NTNG2: variants seen among roughly 807,000 people sequenced by gnomAD.
NTNG2 encodes netrin-G2.
In NTNG2, 15 loss-of-function variants were observed where a neutral mutation model predicts 47.6. The ratio of observed to expected loss-of-function variants is 0.32; its 90% CI spans 0.21 to 0.49. The LOEUF is 0.49. Among genes scored for constraint, NTNG2 ranks in the 20% least tolerant of loss-of-function variants. NTNG2 has a pLI of 0.99. For missense variants in NTNG2, 578 were observed against 764.6 expected, an observed-to-expected ratio of 0.76 and a Z score of 2.88; for synonymous variants, 307 against 324.6, an observed-to-expected ratio of 0.95 and a Z score of 0.58.
intron 2 of NTNG2, among the ~76,000 whole-genome samples, chr9:132,177,536 C>A (rs1237056175): frequency 6.6e-6 from 1 of 152,250 alleles, no homozygotes; most frequent in Non-Finnish European, 1.5e-5. Context: ...GTTTCCCCAA[C>A]ACTATTTGTT....
chr9:132,231,551 C>A lies in NTNG2; in HGVS notation c.1054+956C>A. ...AAAGAAGCTGGACCCTGCAGGGACG[C>A]TGGTCTGCACAGCCGTCGTAAGTTG... On this transcript the variant is annotated intron_variant, in intron 5 of 7. Transcript: ENST00000393229. The surrounding 1 kb of genome is among the most constrained non-coding windows in gnomAD (Gnocchi z 4.1). 1 of 337,530 alleles carries A rather than the reference C, an allele frequency of 3.0e-6. No homozygotes were observed. Among genetic ancestry groups the A allele is most frequent in the Non-Finnish European group, 5.9e-6 (1 of 170,462 alleles). 20.9% of individuals were successfully genotyped at this position (337,530 alleles called of 1,614,324 possible).
rs531526376 is a variant in NTNG2, at chr9:132,233,425, T to G, written c.1054+2830T>G. On this transcript the variant is annotated intron_variant, in intron 5 of 7. Transcript: ENST00000393229. ...GGAGGCTGGGCAGATTGTGCAAAGT[T>G]GGGAATTAAAGAGGAAAAGTCAGAG... 3 of 152,328 alleles carry G rather than the reference T, an allele frequency of 2.0e-5. No individual in the cohort carries two copies. The East Asian group carries it at 5.8e-4, about 29-fold the overall frequency. The allele number at this position is 152,328 out of a possible 1,614,324, so 9.4% of individuals were successfully genotyped here. A position where few individuals can be genotyped will look rare whatever the true frequency, so the allele number is the denominator to read the frequency against.
chr9:132,168,699 G>A (rs1835676355), intron 2 of NTNG2, among the ~76,000 whole-genome samples: 1 of 152,164 alleles, frequency 6.6e-6, no homozygotes, highest in South Asian at 2.1e-4. Flanking sequence ...GATAGGGGCT[G>A]GTACTCAGTC....
intron 6 of NTNG2, 152 bp downstream of exon 6, chr9:132,239,423 T>A: frequency 1.4e-6 from 1 of 732,734 alleles, no homozygotes; most frequent in Non-Finnish European, 2.3e-6. Context: ...TGAGCATCTC[T>A]AAGGACAGAA....
intron 3 of NTNG2, among the ~76,000 whole-genome samples, chr9:132,200,797 G>A (rs1484232358): frequency 6.6e-6 from 1 of 152,204 alleles, no homozygotes; most frequent in African/African-American, 2.4e-5. Context: ...CTCCAATTGG[G>A]ACAGGATATT....
chr9:132,223,577 G>A (rs1464221963), intron 3 of NTNG2, among the ~76,000 whole-genome samples: 1 of 152,130 alleles, frequency 6.6e-6, no homozygotes. Context: ...ATCTCTGAAT[G>A]GACGAGAGCC....
chr9:132,227,468 G>T (rs1462357595), intron 4 of NTNG2, among the ~76,000 whole-genome samples: 1 of 152,176 alleles, frequency 6.6e-6, no homozygotes, highest in Admixed American at 6.5e-5. Context: ...GGAGTGATGG[G>T]GTGGGACCCC....
At chr9:132,184,632 C>T (rs552130602) in intron 2 of NTNG2, among the ~76,000 whole-genome samples, 4 of 152,316 alleles carry the variant, frequency 2.6e-5, no homozygotes, top group Admixed American at 6.5e-5. Flanking sequence ...CAGTAGAAAA[C>T]GAGGCCAGAA....
intron 4 of NTNG2, 96 bp from the exon 5 acceptor site, chr9:132,230,476 C>T (rs1320355018): frequency 8.7e-7 from 1 of 1,153,892 alleles, no homozygotes; most frequent in East Asian, 2.6e-5. Flanking sequence ...GCGACACCTC[C>T]AGGTGCTCCC....
chr9:132,192,683 A>G (rs1235606080), intron 2 of NTNG2, among the ~76,000 whole-genome samples: 2 of 152,208 alleles, frequency 1.3e-5, no homozygotes, highest in Non-Finnish European at 2.9e-5. Context: ...GTCAGCGCCA[A>G]CAGTGCCTTT....
In NTNG2 at chr9:132,231,308, TC is replaced by T. The variant is rs1448088479; in HGVS notation, c.1054+718del. ...CTCTCCTTTCAGCCTTGCAAACCCC[TC>T]CCCCTGGGAGGTCGCCATCTGCTCT... is the stretch of plus-strand genomic sequence containing the variant. On this transcript the variant is annotated intron_variant, in intron 5 of 7. Coordinates refer to ENST00000393229, the MANE Select transcript of NTNG2 (RefSeq NM_032536.4). The surrounding 1 kb of genome is among the most constrained non-coding windows in gnomAD (Gnocchi z 4.1). 1 of 455,954 alleles carries T rather than the reference TC, an allele frequency of 2.2e-6. No individual in the cohort carries two copies. The highest frequency in any genetic ancestry group is 1.5e-5 in the South Asian group (1 of 64,526). The allele number at this position is 455,954 out of a possible 1,614,324, so 28.2% of individuals were successfully genotyped here. A position where few individuals can be genotyped will look rare whatever the true frequency, so the allele number is the denominator to read the frequency against.
intron 3 of NTNG2, among the ~76,000 whole-genome samples, chr9:132,213,241 G>T (rs1159200917): frequency 6.7e-6 from 1 of 148,346 alleles, no homozygotes; most frequent in African/African-American, 2.4e-5. Flanking sequence ...AGAATCACTT[G>T]AACTTGGGAG....
In NTNG2 at chr9:132,226,376, C is replaced by G. The variant is rs941510058; in HGVS notation, c.858-473C>G. 5.3e-5 allele frequency among the ~76,000 whole-genome samples: 8 copies of G among 152,232 alleles called. No homozygotes were observed. Among genetic ancestry groups the G allele is most frequent in the Non-Finnish European group, 8.8e-5 (6 of 68,042 alleles). On this transcript the variant is annotated intron_variant, in intron 3 of 7. Coordinates refer to ENST00000393229, the MANE Select transcript of NTNG2 (RefSeq NM_032536.4). This position sits in a 1 kb window ranked among gnomAD's most constrained non-coding sequence, Gnocchi z 4.8. ...GGCGTGGCTGTGGGCCACAACCTGA[C>G]AGCAGAGGTCCAGCCTGAAGCCAGG...
chr9:132,189,446 G>A (rs1339454112), intron 2 of NTNG2, among the ~76,000 whole-genome samples: 5 of 152,010 alleles, frequency 3.3e-5, no homozygotes, highest in Non-Finnish European at 5.9e-5. Flanking sequence ...ATAAACTGGC[G>A]GGAATTTTGC....
intron 4 of NTNG2, among the ~76,000 whole-genome samples, chr9:132,229,275 C>T (rs952199767): frequency 2.6e-5 from 4 of 152,168 alleles, no homozygotes; most frequent in Admixed American, 2.6e-4. Flanking sequence ...TTTGCCCTCA[C>T]CCTGCCCCTA....
At chr9:132,233,588 G>A (rs181841248) in intron 5 of NTNG2, 4 of 152,296 alleles carry the variant, frequency 2.6e-5, no homozygotes, top group Non-Finnish European at 4.4e-5. Context: ...TAGGGGAGGA[G>A]GTGGCTCCAA....
At chr9:132,177,014 G>A (rs961957981) in intron 2 of NTNG2, among the ~76,000 whole-genome samples, 4 of 152,200 alleles carry the variant, frequency 2.6e-5, no homozygotes, top group African/African-American at 9.7e-5. Context: ...TTTTGAGACA[G>A]AGTCTCATTC....
intron 5 of NTNG2, chr9:132,233,925 A>C (rs1210896879): frequency 1.3e-5 from 2 of 151,834 alleles, no homozygotes; most frequent in African/African-American, 2.4e-5. Flanking sequence ...AAGGTCTCAG[A>C]ATTATGGAGA....
In NTNG2 at chr9:132,197,290, G is replaced by A. The variant is rs1375684729; in HGVS notation, c.214-676G>A. Among the ~76,000 whole-genome samples, 1 of 152,216 alleles carries A rather than the reference G, an allele frequency of 6.6e-6. No individual in the cohort carries two copies. The highest frequency in any genetic ancestry group is 1.5e-5 in the Non-Finnish European group (1 of 68,046). ...TGTAATCCCAGCTACTTGGGAGGCT[G>A]AGGCAGGAGAATCGCTGGAACCTGG... On this transcript the variant is annotated intron_variant, in intron 2 of 7. Coordinates refer to ENST00000393229, the MANE Select transcript of NTNG2 (RefSeq NM_032536.4). This position sits in a 1 kb window ranked among gnomAD's most constrained non-coding sequence, Gnocchi z 4.3.
Sources: gnomAD v4.1 joint callset for allele counts (sites outside exome capture counted in the v4.1 genomes callset) on GRCh38, gnomAD v4.1.1 for gene constraint, Gnocchi (gnomAD v3.1) non-coding constraint, MANE v1.5 for transcripts, NCBI Gene and HGNC (gene_info 2026-07-23, HGNC 2026-07-21) for gene names.